CUX1: variants seen among roughly 807,000 people sequenced by gnomAD.
CUX1 encodes the protein cut like homeobox 1.
CUX1 carries 31 observed loss-of-function variants against 158.8 expected under a neutral mutation model. That is an observed-to-expected ratio of 0.20 (90% CI 0.15 to 0.26). The LOEUF (loss-of-function observed/expected upper bound fraction) is 0.26. CUX1 is among the 10% of genes least tolerant of loss of function. The probability of loss-of-function intolerance (pLI) is 1.00; values close to 1 mark genes in which losing one functional copy is unlikely to be tolerated. For missense variants in CUX1, 1,589 were observed against 2,014.6 expected (o/e 0.79, Z 4.04); for synonymous variants, 879 against 862.1 (o/e 1.02, Z -0.34).
At chr7:101,901,026 G>A (rs10271838) in intron 1 of CUX1, among the ~76,000 whole-genome samples, 31,487 of 151,912 alleles carry the variant, frequency 0.21, 4,998 homozygotes, top group East Asian at 0.84. Flanking sequence ...GTTTTCCAAC[G>A]ACCCTGGGAG....
intron 1 of CUX1, among the ~76,000 whole-genome samples, chr7:101,861,271 T>C (rs1797434608): frequency 6.6e-6 from 1 of 152,196 alleles, no homozygotes; most frequent in Admixed American, 6.5e-5. Flanking sequence ...TCCTGGTCAC[T>C]TTTTTAATGT....
rs549448543 is a variant in CUX1, at chr7:102,122,883, G to A, written c.674+7610G>A. ...ACAGGGTGGGAGGGGGCTTACAGAC[G>A]TCACATGCACACACACAGGCTCACA... is the stretch of plus-strand genomic sequence containing the variant. On this transcript the variant is annotated intron_variant, in intron 8 of 23. Transcript: ENST00000292535. Among the ~76,000 whole-genome samples the A allele has an allele frequency of 6.2e-4, 95 of 152,080 alleles. No individual in the cohort carries two copies. In the South Asian group the frequency reaches 0.018, roughly 29 times the overall value.
intron 2 of CUX1, among the ~76,000 whole-genome samples, chr7:102,002,645 G>A (rs768182077): frequency 8.5e-5 from 13 of 152,166 alleles, no homozygotes; most frequent in South Asian, 2.1e-4. Flanking sequence ...CTGTTCTATC[G>A]AGTCTGAAGC....
At chr7:102,206,536 G>A (rs1341454908) in intron 20 of CUX1, among the ~76,000 whole-genome samples, 1 of 152,172 alleles carries the variant, frequency 6.6e-6, no homozygotes, top group African/African-American at 2.4e-5. Context: ...TGAAACTCAC[G>A]AGAGTATTTG....
At chr7:102,028,938 G>A (rs1330826741) in intron 3 of CUX1, among the ~76,000 whole-genome samples, 3 of 151,412 alleles carry the variant, frequency 2.0e-5, no homozygotes, top group Non-Finnish European at 2.9e-5. Context: ...GAAAGGAAAC[G>A]AGACATTTCC....
At chr7:101,859,991 C>G (rs745568440) in intron 1 of CUX1, among the ~76,000 whole-genome samples, 1 of 150,164 alleles carries the variant, frequency 6.7e-6, no homozygotes, top group Non-Finnish European at 1.5e-5. Context: ...TCCCTCCCTC[C>G]CTACCTTCCT....
At position 102,251,325 on chromosome 7, in the gene CUX1, G is replaced by A. The variant is rs782678070; in HGVS notation, c.*2283G>A. 3 of 985,146 alleles carry A rather than the reference G, an allele frequency of 3.0e-6. No homozygotes were observed. The highest frequency in any genetic ancestry group is 3.6e-6 in the Non-Finnish European group (3 of 829,914). The allele number at this position is 985,146 out of a possible 1,614,324, so 61.0% of individuals were successfully genotyped here. On this transcript the variant is annotated 3_prime_UTR_variant, in exon 24 of 24. Coordinates refer to ENST00000292535, the MANE Select transcript of CUX1 (RefSeq NM_181552.4). ...CGTGTGCTTGTTAATTAACTTGTAG[G>A]ACTTTGACTGTAAGATGTGAAACCA... is the stretch of plus-strand genomic sequence containing the variant.
At chr7:102,171,312 G>A (rs1791691852) in intron 10 of CUX1, among the ~76,000 whole-genome samples, 1 of 152,130 alleles carries the variant, frequency 6.6e-6, no homozygotes. Context: ...GTAAACTGGG[G>A]GGTTGGTGCG....
chr7:102,234,288 C>T, intron 22 of CUX1, 48 bp downstream of exon 22: 1 of 1,425,018 alleles, frequency 7.0e-7, no homozygotes, highest in East Asian at 2.7e-5. Context: ...CATTCATAGA[C>T]AGGCTGTTTC....
chr7:101,940,646 C>G (rs952393528), intron 2 of CUX1, among the ~76,000 whole-genome samples: 23 of 152,110 alleles, frequency 1.5e-4, no homozygotes, highest in Non-Finnish European at 2.2e-4. Context: ...CTTTAGCTTG[C>G]AAGGGAATGT....
At chr7:102,176,558 CTTTTTTTTTTTTTTT>C (rs60973137) in intron 10 of CUX1, among the ~76,000 whole-genome samples, 15 of 86,758 alleles carry the variant, frequency 1.7e-4, no homozygotes, top group African/African-American at 7.3e-4. Flanking sequence ...GCCAGGATTC[CTTTTTTTTTTTTTTT>C]TTTTTTTTTT....
intron 14 of CUX1, 57 bp downstream of exon 14, chr7:102,195,660 C>T: frequency 1.4e-6 from 2 of 1,465,668 alleles, no homozygotes; most frequent in Non-Finnish European, 1.9e-6. Flanking sequence ...AGGGGTCGGT[C>T]GAGGACGAGG....
At chr7:101,893,517 C>T (rs1801128326) in intron 1 of CUX1, among the ~76,000 whole-genome samples, 1 of 152,122 alleles carries the variant, frequency 6.6e-6, no homozygotes, top group South Asian at 2.1e-4. Flanking sequence ...CACGGAGGGT[C>T]ACCTTGCCCC....
At chr7:102,244,902 G>A (rs1486652731) in intron 23 of CUX1, among the ~76,000 whole-genome samples, 1 of 152,168 alleles carries the variant, frequency 6.6e-6, no homozygotes, top group East Asian at 1.9e-4. Context: ...CATCTTTCTA[G>A]GCCAGAAGAC....
At chr7:102,104,577 A>G (rs1391137727) in intron 6 of CUX1, 118 bp downstream of exon 6, 3 of 1,332,406 alleles carry the variant, frequency 2.3e-6, no homozygotes, top group South Asian at 2.7e-5. Flanking sequence ...CCCCAAATCT[A>G]TAAGGGGTAA....
rs145587068 is a variant in CUX1 at position 101,966,542 on chromosome 7, C to T, written c.141+50317C>T. 7.9e-3 allele frequency among the ~76,000 whole-genome samples: 1,204 copies of T among 152,156 alleles called. 5 individuals are homozygous for T. Among genetic ancestry groups the T allele is most frequent in the Non-Finnish European group, 0.012 (790 of 67,998 alleles). ...AGTAAGGTGGTATTTTGCACAAAAC[C>T]CCAGCTCTGATTTTTCTGGGAAAGT... On this transcript the variant is annotated intron_variant, in intron 2 of 23. Coordinates refer to ENST00000292535, the MANE Select transcript of CUX1 (RefSeq NM_181552.4).
At chr7:102,272,838 G>A (rs1313529764) in intron 14 of CUX1, among the ~76,000 whole-genome samples, 6 of 152,172 alleles carry the variant, frequency 3.9e-5, no homozygotes, top group Non-Finnish European at 8.8e-5. Flanking sequence ...TGTTGGGGGC[G>A]GGACCAAGCA....
chr7:102,216,932 C>A (rs908584325), intron 20 of CUX1, among the ~76,000 whole-genome samples: 2 of 152,022 alleles, frequency 1.3e-5, no homozygotes, highest in Non-Finnish European at 2.9e-5. Flanking sequence ...TCTTTGATTA[C>A]AGCAAAGCAA....
At chr7:101,929,395 A>G (rs1585011526) in intron 2 of CUX1, among the ~76,000 whole-genome samples, 1 of 152,114 alleles carries the variant, frequency 6.6e-6, no homozygotes, top group African/African-American at 2.4e-5. Flanking sequence ...TTTTGAAGCT[A>G]TTCTTTGAGA....
Sources: allele counts gnomAD v4.1 joint callset (sites outside exome capture counted in the v4.1 genomes callset), GRCh38; gene constraint gnomAD v4.1.1; transcripts MANE v1.5; gene names NCBI Gene and HGNC (gene_info 2026-07-23, HGNC 2026-07-21).